The following USH2A variants were observed in gnomAD, a reference collection of about 807,000 sequenced individuals.
USH2A encodes Usher syndrome 2A (autosomal recessive, mild).
In USH2A, 443 loss-of-function variants were observed where a neutral mutation model predicts 538.9. The ratio of observed to expected loss-of-function variants is 0.82; its 90% confidence interval spans 0.76 to 0.89. The LOEUF (loss-of-function observed/expected upper bound fraction) is 0.89, where lower values mean the gene tolerates loss of function less well. Among genes scored for constraint, USH2A ranks in the 40% least tolerant of loss-of-function variants. The pLI, the probability that USH2A is intolerant of heterozygous loss-of-function variation, is 0.00. For missense variants in USH2A, 6,633 were observed against 6,324.8 expected, an observed-to-expected ratio of 1.05 and a Z score of -1.65; for synonymous variants, 2,413 against 2,273.5, an observed-to-expected ratio of 1.06 and a Z score of -1.75.
intron 44 of USH2A, among the ~76,000 whole-genome samples, chr1:215,863,504 T>A (rs1044777686): frequency 6.6e-6 from 1 of 152,220 alleles, no homozygotes; most frequent in Non-Finnish European, 1.5e-5. Context: ...GAGATCAGGA[T>A]GAGACAAATG....
intron 70 of USH2A, among the ~76,000 whole-genome samples, chr1:215,630,417 T>C (rs1256122760): frequency 6.7e-6 from 1 of 149,910 alleles, no homozygotes; most frequent in Non-Finnish European, 1.5e-5. Flanking sequence ...TATGTGTGTG[T>C]ATATATATGT....
intron 42 of USH2A, 62 bp from the exon 43 acceptor site, chr1:215,877,942 C>G (rs1338666708): frequency 1.9e-6 from 3 of 1,610,522 alleles, no homozygotes. Context: ...ATTACCAAAA[C>G]TCAGGCTGTT....
In USH2A at chr1:216,199,748, G is replaced by C; in HGVS notation, c.3690C>G (p.His1230Gln). The C allele has an allele frequency of 3.1e-6, 5 of 1,614,078 alleles. No homozygotes were observed. The highest frequency in any genetic ancestry group is 1.1e-5 in the South Asian group (1 of 91,090). Reference sequence around the variant, plus strand: ...CTGTGGTCACTGTAATGGGCAAGCTGTGTAAACAGCCCCCGCTAGTACACG... The same window carrying C: ...CTGTGGTCACTGTAATGGGCAAGCTCTGTAAACAGCCCCCGCTAGTACACG... ...VQACTSGGCL[H>Q]SLPITVTTAQ... The change falls in exon 17 of 72, where the codon CAC becomes CAG. Residue 1230 changes from histidine (H) to glutamine (Q), a missense_variant. Coordinates refer to ENST00000307340, the MANE Select transcript of USH2A (RefSeq NM_206933.4).
chr1:216,087,113 G>C (rs1168539787), intron 23 of USH2A, among the ~76,000 whole-genome samples: 2 of 152,162 alleles, frequency 1.3e-5, no homozygotes, highest in Non-Finnish European at 2.9e-5. Flanking sequence ...CGAACTGCCA[G>C]GGCCAAAGGC....
At chr1:215,969,815 G>T (rs1018194094) in intron 36 of USH2A, among the ~76,000 whole-genome samples, 1 of 152,086 alleles carries the variant, frequency 6.6e-6, no homozygotes, top group African/African-American at 2.4e-5. Flanking sequence ...CTTCAGTGAA[G>T]ACAGCATGCA....
At chr1:215,938,686 G>A (rs760136758) in intron 37 of USH2A, among the ~76,000 whole-genome samples, 7 of 152,088 alleles carry the variant, frequency 4.6e-5, no homozygotes, top group Admixed American at 2.6e-4. Flanking sequence ...TTCTGGAACC[G>A]CAACTCCCCA....
At chr1:216,134,419 T>C (rs2033438989) in intron 21 of USH2A, among the ~76,000 whole-genome samples, 2 of 151,962 alleles carry the variant, frequency 1.3e-5, no homozygotes, top group Admixed American at 6.6e-5. Flanking sequence ...AGAAGAGCAA[T>C]GTCCCAGGTA....
Position 216,266,940 on chromosome 1 carries a change from A to T in USH2A, c.1972-15842T>A, listed in dbSNP as rs760397527. Among the ~76,000 whole-genome samples the T allele has an allele frequency of 2.0e-5, 3 of 151,348 alleles. 1 individual carries two copies. The highest frequency in any genetic ancestry group is 4.2e-4 in the South Asian group (2 of 4,814). ...GATAATTAAATTCAAATAATATTTT[A>T]TATATATATATAAAACATGTTAAGT... On this transcript the variant is annotated intron_variant, in intron 11 of 71. Transcript: ENST00000307340.
intron 5 of USH2A, among the ~76,000 whole-genome samples, chr1:216,326,797 A>G (rs531585883): frequency 6.6e-6 from 1 of 152,226 alleles, no homozygotes; most frequent in African/African-American, 2.4e-5. Context: ...TTGGAAACCC[A>G]CCACACTAAT....
intron 64 of USH2A, among the ~76,000 whole-genome samples, chr1:215,668,105 C>T (rs536173101): frequency 6.6e-6 from 1 of 152,184 alleles, no homozygotes; most frequent in Non-Finnish European, 1.5e-5. Flanking sequence ...CACTCCTCTG[C>T]AGAAGGGTGA....
At chr1:215,892,970 C>T (rs1665245271) in intron 40 of USH2A, among the ~76,000 whole-genome samples, 1 of 152,106 alleles carries the variant, frequency 6.6e-6, no homozygotes, top group African/African-American at 2.4e-5. Context: ...ACCTCTAGAG[C>T]TGGGGCATAT....
intron 21 of USH2A, among the ~76,000 whole-genome samples, chr1:216,098,328 G>GA (rs112082814): frequency 0.044 from 6,629 of 152,234 alleles, 481 homozygotes; most frequent in African/African-American, 0.15. Flanking sequence ...ATTATCCTGT[G>GA]GAATCAAATA....
Position 216,321,868 on chromosome 1 carries a change from T to C in USH2A, c.1644+15A>G. The C allele has an allele frequency of 6.2e-7, 1 of 1,608,052 alleles. No homozygotes were observed. Among genetic ancestry groups the C allele is most frequent in the South Asian group, 1.1e-5 (1 of 90,970 alleles). On this transcript the variant is annotated intron_variant, in intron 9 of 71. Transcript: ENST00000307340. ...TATTTTTTTTTTAGATTTCCATGCA[T>C]AAAATAGAACTCACATGAAGTCCTT... is the stretch of plus-strand genomic sequence containing the variant.
chr1:215,736,774 G>A (rs988046138), intron 60 of USH2A, among the ~76,000 whole-genome samples: 1 of 151,798 alleles, frequency 6.6e-6, no homozygotes, highest in South Asian at 2.1e-4. Flanking sequence ...ATCAAAACTT[G>A]AATTAAAACA....
chr1:216,001,441 A>G (rs1668264386), intron 32 of USH2A, among the ~76,000 whole-genome samples: 1 of 152,138 alleles, frequency 6.6e-6, no homozygotes, highest in Admixed American at 6.6e-5. Flanking sequence ...TTTCTAATAG[A>G]TACCACATTC....
intron 21 of USH2A, among the ~76,000 whole-genome samples, chr1:216,125,931 T>A (rs2033243372): frequency 6.6e-6 from 1 of 152,244 alleles, no homozygotes; most frequent in African/African-American, 2.4e-5. Context: ...TTTATCATTA[T>A]AAGACAGCTG....
chr1:215,707,744 T>C (rs1363413271), intron 61 of USH2A, among the ~76,000 whole-genome samples: 2 of 152,174 alleles, frequency 1.3e-5, no homozygotes, highest in Non-Finnish European at 2.9e-5. Context: ...GTAGAAAGTA[T>C]GAACATACTG....
At chr1:216,202,283 G>A (rs1342432946) in intron 16 of USH2A, among the ~76,000 whole-genome samples, 2 of 152,192 alleles carry the variant, frequency 1.3e-5, no homozygotes, top group Non-Finnish European at 2.9e-5. Context: ...CATCTGAAAA[G>A]TGGAATATAA....
At chr1:216,222,972 C>T (rs932284555) in intron 14 of USH2A, among the ~76,000 whole-genome samples, 22 of 95,326 alleles carry the variant, frequency 2.3e-4, no homozygotes, top group Admixed American at 7.1e-4. Flanking sequence ...GAGCAAAACT[C>T]CATCTCAGAA....
Sources: allele counts gnomAD v4.1 joint callset (sites outside exome capture counted in the v4.1 genomes callset), GRCh38; gene constraint gnomAD v4.1.1; transcripts MANE v1.5; gene names NCBI Gene and HGNC (gene_info 2026-07-23, HGNC 2026-07-21).